Variants in ADGRA3 observed in about 807,000 individuals in gnomAD.
ADGRA3 encodes the protein G-protein coupled receptor 125.
ADGRA3 carries 56 observed loss-of-function variants against 119.8 expected under a neutral mutation model. The observed-to-expected ratio is 0.47, with a 90% CI of 0.38 to 0.58. ADGRA3 has a LOEUF of 0.58. ADGRA3 is among the 20% of genes least tolerant of loss of function. ADGRA3 has a pLI of 0.00. For missense variants in ADGRA3, 1,516 were observed against 1,649.0 expected (o/e 0.92, Z 1.40); for synonymous variants, 607 against 623.8 (o/e 0.97, Z 0.40).
intron 7 of ADGRA3, among the ~76,000 whole-genome samples, chr4:22,442,173 T>C (rs1716640485): frequency 6.6e-6 from 1 of 152,136 alleles, no homozygotes; most frequent in African/African-American, 2.4e-5. Flanking sequence ...AAAGTATTTT[T>C]ACTTTTAATT....
intron 16 of ADGRA3, among the ~76,000 whole-genome samples, chr4:22,399,546 T>C (rs71608916): frequency 0.077 from 11,638 of 151,584 alleles, 817 homozygotes; most frequent in East Asian, 0.29. Flanking sequence ...TAATCTTTTT[T>C]CAAATGGATT....
At chr4:22,407,697 A>G (rs1191391948) in intron 14 of ADGRA3, among the ~76,000 whole-genome samples, 2 of 152,218 alleles carry the variant, frequency 1.3e-5, no homozygotes, top group Non-Finnish European at 2.9e-5. Context: ...ATTAAACATC[A>G]AATGTGTGTT....
chr4:22,401,082 T>C (rs1314724988), intron 16 of ADGRA3, among the ~76,000 whole-genome samples: 1 of 152,162 alleles, frequency 6.6e-6, no homozygotes, highest in Non-Finnish European at 1.5e-5. Flanking sequence ...CATCAACACA[T>C]AAAATAATTT....
chr4:22,406,729 G>A (rs1314834810), intron 14 of ADGRA3, among the ~76,000 whole-genome samples: 4 of 151,982 alleles, frequency 2.6e-5, no homozygotes, highest in African/African-American at 9.7e-5. Context: ...CTGCCCACAC[G>A]CAAAGAGGTC....
chr4:22,402,589 A>G (rs748368912), intron 15 of ADGRA3, 86 bp downstream of exon 15: 7 of 1,413,342 alleles, frequency 5.0e-6, no homozygotes, highest in Non-Finnish European at 6.8e-6. Context: ...GGATGATAAC[A>G]AACTCAATTT....
At chr4:22,489,503 A>C (rs780026263) in intron 1 of ADGRA3, among the ~76,000 whole-genome samples, 28 of 152,348 alleles carry the variant, frequency 1.8e-4, no homozygotes, top group Non-Finnish European at 3.4e-4. Context: ...ATAATGTATA[A>C]ATATAAATAT....
chr4:22,515,385 C>G, intron 1 of ADGRA3, 143 bp downstream of exon 1: 1 of 978,292 alleles, frequency 1.0e-6, no homozygotes, highest in Non-Finnish European at 1.4e-6. Context: ...ATGCCAAGCA[C>G]ACGAGGTCTT....
At chr4:22,424,837 C>T (rs1261672096) in intron 10 of ADGRA3, among the ~76,000 whole-genome samples, 1 of 152,078 alleles carries the variant, frequency 6.6e-6, no homozygotes. Flanking sequence ...TTTGGGAGGC[C>T]GAGGTGGGTG....
rs776861694 is a variant in ADGRA3, at chr4:22,401,461, G to A, written c.2451C>T (p.Thr817=). ...LTCVVFVGGI[T]QTRNASICQA... is the part of the protein sequence containing the mutation. The stretch of plus-strand genomic sequence containing the variant: ...GGCAGATGCTGGCATTCCTAGTCTG[G>A]GTTATTCCTCCCACAAAGACCACAC... The change falls in exon 16 of 19, where the codon ACC becomes ACT. Residue 817 remains threonine, a synonymous_variant. Transcript: ENST00000334304. 4.8e-5 allele frequency: 77 copies of A among 1,610,184 alleles called. No homozygotes were observed. Among genetic ancestry groups the A allele is most frequent in the Non-Finnish European group, 6.2e-5 (73 of 1,178,074 alleles).
At chr4:22,467,150 C>T (rs13108229) in intron 2 of ADGRA3, among the ~76,000 whole-genome samples, 132,703 of 152,238 alleles carry the variant, frequency 0.87, 58,048 homozygotes, top group East Asian at 0.99. Context: ...GAAGAAAAAA[C>T]GATGGCATAT....
At position 22,516,042 on chromosome 4, in the gene ADGRA3, CTCT is replaced by C. The variant is rs1463920039; in HGVS notation, c.-261_-259del. ...GCGCGAGCACCGCCTCCTCCTCCTC[CTCT>C]GCCGCCGCCGCCGCCGCCACTGCCT... is the stretch of plus-strand genomic sequence containing the variant. On this transcript the variant is annotated 5_prime_UTR_variant, in exon 1 of 19. Coordinates refer to ENST00000334304, the MANE Select transcript of ADGRA3 (RefSeq NM_145290.4). 4.7e-4 allele frequency: 75 copies of C among 158,562 alleles called. No homozygotes were observed. Among genetic ancestry groups the C allele is most frequent in the Admixed American group, 1.1e-3 (16 of 15,232 alleles). The allele number at this position is 158,562 out of a possible 1,614,324, so 9.8% of individuals were successfully genotyped here.
rs1297731855 is a variant in ADGRA3, at chr4:22,424,326, T to C, written c.1470A>G (p.Ala490=). The change falls in exon 11 of 19, where the codon GCA becomes GCG. Residue 490 remains alanine (A), a synonymous_variant. Coordinates refer to ENST00000334304, the MANE Select transcript of ADGRA3 (RefSeq NM_145290.4). ...KELGDVMVDI[A]SNIMLADERV... ...GTTCATCAGCCAACATGATGTTACT[T>C]GCAATGTCAACCATCACGTCACCTA... The C allele has an allele frequency of 4.2e-5, 67 of 1,613,630 alleles. No homozygotes were observed. Among genetic ancestry groups the C allele is most frequent in the Non-Finnish European group, 5.5e-5 (65 of 1,179,718 alleles).
At position 22,469,155 on chromosome 4, in the gene ADGRA3, T is replaced by C. The variant is rs189465263; in HGVS notation, c.329+4617A>G. On this transcript the variant is annotated intron_variant, in intron 2 of 18. Transcript: ENST00000334304. ...TCCCTCACCTCCCTCTGTTCTGTGC[T>C]TTCCTCCTGGAGGAGGTGTCCCTGC... 1.6e-4 allele frequency among the ~76,000 whole-genome samples: 24 copies of C among 152,260 alleles called. No homozygotes were observed. The South Asian group carries it at 2.3e-3, about 14-fold the overall frequency.
At chr4:22,413,082 A>AAC in intron 14 of ADGRA3, 100 bp downstream of exon 14, 3 of 884,208 alleles carry the variant, frequency 3.4e-6, no homozygotes, top group African/African-American at 1.7e-5. Flanking sequence ...AAGTAAAAAA[A>AAC]AAAAAAAAAC....
At chr4:22,460,063 C>T (rs1199188121) in intron 3 of ADGRA3, among the ~76,000 whole-genome samples, 1 of 152,172 alleles carries the variant, frequency 6.6e-6, no homozygotes, top group East Asian at 1.9e-4. Flanking sequence ...CACCTGCGCC[C>T]ACCCTGTTTG....
chr4:22,398,330 T>C (rs1300238308), intron 16 of ADGRA3, among the ~76,000 whole-genome samples: 1 of 152,154 alleles, frequency 6.6e-6, no homozygotes, highest in African/African-American at 2.4e-5. Flanking sequence ...CAATATTGGA[T>C]TAATCATAAG....
chr4:22,490,203 GTT>G (rs1210353942), intron 1 of ADGRA3, among the ~76,000 whole-genome samples: 1 of 152,094 alleles, frequency 6.6e-6, no homozygotes, highest in Non-Finnish European at 1.5e-5. Flanking sequence ...AAATTGAAGC[GTT>G]TTTAATGCCA....
chr4:22,423,391 G>A (rs942282928), intron 11 of ADGRA3, among the ~76,000 whole-genome samples: 1 of 152,052 alleles, frequency 6.6e-6, no homozygotes, highest in Non-Finnish European at 1.5e-5. Flanking sequence ...CTTGAATTGT[G>A]TAAAATCACA....
chr4:22,512,252 C>G (rs1049876863), intron 1 of ADGRA3, among the ~76,000 whole-genome samples: 1 of 152,012 alleles, frequency 6.6e-6, no homozygotes, highest in African/African-American at 2.4e-5. Flanking sequence ...CTCAATCCCA[C>G]TAGGATTGAG....
Sources: allele counts gnomAD v4.1 joint callset (sites outside exome capture counted in the v4.1 genomes callset), GRCh38; gene constraint gnomAD v4.1.1; transcripts MANE v1.5; gene names NCBI Gene and HGNC (gene_info 2026-07-23, HGNC 2026-07-21).